MCF2L2: variants seen among roughly 807,000 people sequenced by gnomAD.
The protein encoded by MCF2L2 is MCF.2 cell line derived transforming sequence-like 2.
In MCF2L2, 102 loss-of-function variants were observed where a neutral mutation model predicts 150.2. That is an observed-to-expected ratio of 0.68 (90% CI 0.58 to 0.80). MCF2L2 has a LOEUF of 0.80. MCF2L2 is among the 30% of genes least tolerant of loss of function. The probability of loss-of-function intolerance (pLI) is 0.00; values close to 1 mark genes in which losing one functional copy is unlikely to be tolerated. For missense variants in MCF2L2, 1,256 were observed against 1,372.8 expected, an observed-to-expected ratio of 0.91 and a Z score of 1.34; for synonymous variants, 465 against 491.3, an observed-to-expected ratio of 0.95 and a Z score of 0.71.
chr3:183,351,497 G>T (rs530061862), intron 3 of MCF2L2, among the ~76,000 whole-genome samples: 2 of 152,136 alleles, frequency 1.3e-5, no homozygotes, highest in Admixed American at 6.5e-5. Flanking sequence ...CTAGCACTGA[G>T]AAGTTCCTGG....
intron 15 of MCF2L2, chr3:183,253,496 T>C (rs1189516023): frequency 6.6e-6 from 1 of 152,364 alleles, no homozygotes; most frequent in African/African-American, 2.4e-5. Context: ...GAAGCTGGCC[T>C]GGGGCGGGGT....
In MCF2L2 at chr3:183,179,626, T is replaced by C. The variant is rs1216118358; in HGVS notation, c.3172A>G (p.Arg1058Gly). ...TTTTCTCCCTGGCTGCTTTCTCCCC[T>C]CTCCAGGAAAGCAGATTTGGAGGAA... ...TCSSKSAFLERGESSQGEKEE... is the reference protein window; with the variant it reads ...TCSSKSAFLEGGESSQGEKEE... Residue 1058 changes from arginine to glycine, a missense_variant, in exon 29 of 30, where the codon AGG becomes GGG. By Grantham distance (125) the Arg-to-Gly change is moderately radical. Transcript: ENST00000328913. The surrounding 1 kb of genome is among the most constrained non-coding windows in gnomAD (Gnocchi z 4.2). 8.1e-6 allele frequency: 13 copies of C among 1,613,950 alleles called. No individual in the cohort carries two copies. The highest frequency in any genetic ancestry group is 7.6e-6 in the Non-Finnish European group (9 of 1,179,980).
intron 22 of MCF2L2, among the ~76,000 whole-genome samples, chr3:183,208,993 A>G (rs1424333712): frequency 6.6e-6 from 1 of 151,984 alleles, no homozygotes; most frequent in East Asian, 1.9e-4. Context: ...AAATTTACAT[A>G]TGTAGACTGT....
At chr3:183,259,621 G>A (rs1020083573) in intron 15 of MCF2L2, among the ~76,000 whole-genome samples, 4 of 152,014 alleles carry the variant, frequency 2.6e-5, no homozygotes, top group African/African-American at 7.2e-5. Context: ...CTGACTCCTC[G>A]CCTTTCATTT....
intron 1 of MCF2L2, among the ~76,000 whole-genome samples, chr3:183,395,014 T>C (rs1001278217): frequency 6.6e-6 from 1 of 152,214 alleles, no homozygotes; most frequent in African/African-American, 2.4e-5. Context: ...AAGGATGATA[T>C]TGAACTAGAT....
chr3:183,394,580 T>C (rs1163262983), intron 1 of MCF2L2, among the ~76,000 whole-genome samples: 6 of 152,246 alleles, frequency 3.9e-5, no homozygotes, highest in Non-Finnish European at 5.9e-5. Context: ...TTTCCTTCTT[T>C]TACTGGGTCC....
intron 3 of MCF2L2, chr3:183,376,042 G>C (rs1014615911): frequency 1.1e-4 from 16 of 151,954 alleles, no homozygotes; most frequent in Admixed American, 3.3e-4. Flanking sequence ...AGAAAGGCGA[G>C]GGGAAGAACT....
chr3:183,310,478 G>T (rs1476203932), intron 9 of MCF2L2: 3 of 234,320 alleles, frequency 1.3e-5, no homozygotes, highest in South Asian at 4.0e-5. Context: ...CTCCAGCCTG[G>T]GCAACAGAGT....
intron 1 of MCF2L2, among the ~76,000 whole-genome samples, chr3:183,411,384 G>T (rs547540418): frequency 6.6e-6 from 1 of 152,284 alleles, no homozygotes; most frequent in South Asian, 2.1e-4. Context: ...CATTTGGGAA[G>T]AGCTGGTCCA....
chr3:183,255,481 G>T lies in MCF2L2; in HGVS notation c.1862+21391C>A, dbSNP rs1365886137. 2.0e-5 allele frequency among the ~76,000 whole-genome samples: 3 copies of T among 152,012 alleles called. No homozygotes were observed. In the East Asian group the frequency reaches 5.8e-4, roughly 29 times the overall value. ...CACTCTTCCTTATCCTCCCGCACAC[G>T]CTCTGAGCATTGACTGAGCACTCTG... On this transcript the variant is annotated intron_variant, in intron 15 of 29. Transcript: ENST00000328913.
intron 5 of MCF2L2, among the ~76,000 whole-genome samples, chr3:183,336,124 A>G (rs1418838398): frequency 1.3e-5 from 2 of 152,354 alleles, no homozygotes; most frequent in East Asian, 3.8e-4. Context: ...ATTTTATTAT[A>G]GCGGCACGAA....
chr3:183,383,229 A>T (rs200881092), intron 2 of MCF2L2, among the ~76,000 whole-genome samples: 1 of 136,498 alleles, frequency 7.3e-6, no homozygotes, highest in Non-Finnish European at 1.5e-5. Flanking sequence ...TATTTATTTT[A>T]TTTATTTATT....
intron 10 of MCF2L2, among the ~76,000 whole-genome samples, chr3:183,307,423 A>G (rs1228788584): frequency 6.6e-6 from 1 of 152,250 alleles, no homozygotes; most frequent in Non-Finnish European, 1.5e-5. Flanking sequence ...GCAGAGACAC[A>G]GGTGTACTAC....
intron 15 of MCF2L2, among the ~76,000 whole-genome samples, chr3:183,274,637 T>C (rs1727050659): frequency 6.6e-6 from 1 of 152,216 alleles, no homozygotes; most frequent in African/African-American, 2.4e-5. Flanking sequence ...ATGTGATGAC[T>C]TGGAAGAATT....
intron 2 of MCF2L2, among the ~76,000 whole-genome samples, chr3:183,384,697 T>C (rs1008690530): frequency 6.6e-6 from 1 of 152,222 alleles, no homozygotes; most frequent in African/African-American, 2.4e-5. Context: ...ATTTGAGTAA[T>C]AACAAACCTC....
chr3:183,231,725 C>T (rs1261194856), intron 15 of MCF2L2, among the ~76,000 whole-genome samples: 3 of 151,962 alleles, frequency 2.0e-5, no homozygotes, highest in Admixed American at 2.0e-4. Flanking sequence ...TCCCAAACTG[C>T]TGGGATTATA....
chr3:183,307,845 A>T (rs1208634907), intron 10 of MCF2L2, among the ~76,000 whole-genome samples: 1 of 152,168 alleles, frequency 6.6e-6, no homozygotes, highest in African/African-American at 2.4e-5. Flanking sequence ...CTGTTCACTC[A>T]TTTCCTCCTG....
chr3:183,390,946 G>T (rs1176879016), intron 1 of MCF2L2, among the ~76,000 whole-genome samples: 3 of 152,096 alleles, frequency 2.0e-5, no homozygotes, highest in African/African-American at 7.2e-5. Context: ...GAATGAACTG[G>T]TTATTGTTTC....
intron 5 of MCF2L2, among the ~76,000 whole-genome samples, chr3:183,336,864 A>AATAT (rs34443126): frequency 6.5e-5 from 9 of 139,394 alleles, no homozygotes; most frequent in Admixed American, 4.9e-4. Context: ...TCAAAAAAAA[A>AATAT]ATATATATAT....
Sources: gnomAD v4.1 joint callset for allele counts (sites outside exome capture counted in the v4.1 genomes callset) on GRCh38, gnomAD v4.1.1 for gene constraint, Gnocchi (gnomAD v3.1) non-coding constraint, MANE v1.5 for transcripts, NCBI Gene and HGNC (gene_info 2026-07-23, HGNC 2026-07-21) for gene names.